VEPH1: variants seen among roughly 807,000 people sequenced by gnomAD.
VEPH1 encodes the protein ventricular zone expressed PH domain containing 1, also known as ventricular zone-expressed PH domain-containing protein homolog 1.
A neutral mutation model predicts 85.2 loss-of-function variants in VEPH1; 80 were observed. The observed-to-expected ratio is 0.94, with a 90% CI of 0.78 to 1.13. VEPH1 has a LOEUF of 1.13. VEPH1 is among the 50% of genes most tolerant of loss of function. The probability of loss-of-function intolerance (pLI) is 0.00; values close to 1 mark genes in which losing one functional copy is unlikely to be tolerated. For synonymous variants in VEPH1, 297 were observed against 348.0 expected (o/e 0.85, Z 1.63); for missense variants, 955 against 980.5 (o/e 0.97, Z 0.35).
At chr3:157,311,649 A>C (rs1490426911) in intron 11 of VEPH1, among the ~76,000 whole-genome samples, 1 of 152,234 alleles carries the variant, frequency 6.6e-6, no homozygotes. Flanking sequence ...AGCATGAAAC[A>C]CAAGAAATGT....
At chr3:157,355,056 C>T (rs948664173) in intron 9 of VEPH1, among the ~76,000 whole-genome samples, 3 of 152,154 alleles carry the variant, frequency 2.0e-5, no homozygotes, top group East Asian at 1.9e-4. Flanking sequence ...ACAGGACAGA[C>T]GGTTCTCTTC....
At chr3:157,358,347 C>G (rs749617395) in intron 9 of VEPH1, among the ~76,000 whole-genome samples, 4 of 152,106 alleles carry the variant, frequency 2.6e-5, no homozygotes, top group Non-Finnish European at 5.9e-5. Context: ...CCCAAGAGAC[C>G]ACCTTAATGA....
chr3:157,460,942 T>C (rs79069124), intron 3 of VEPH1, among the ~76,000 whole-genome samples: 4 of 152,260 alleles, frequency 2.6e-5, no homozygotes, highest in East Asian at 1.9e-4. Flanking sequence ...CATTGATCTT[T>C]AGGGTAATCG....
At chr3:157,404,195 C>A (rs956293018) in intron 6 of VEPH1, among the ~76,000 whole-genome samples, 1 of 152,040 alleles carries the variant, frequency 6.6e-6, no homozygotes, top group African/African-American at 2.4e-5. Flanking sequence ...AGTTAGTTGG[C>A]AAGTACCTGT....
chr3:157,313,097 G>A (rs1319953645), intron 11 of VEPH1, among the ~76,000 whole-genome samples: 3 of 151,472 alleles, frequency 2.0e-5, no homozygotes, highest in Non-Finnish European at 2.9e-5. Flanking sequence ...GTAGAGACGG[G>A]GTTTCACCGT....
chr3:157,480,354 A>G (rs986313368), intron 2 of VEPH1, among the ~76,000 whole-genome samples: 3 of 152,120 alleles, frequency 2.0e-5, no homozygotes, highest in Admixed American at 2.0e-4. Flanking sequence ...TTGTTACAAG[A>G]GTATATTTTA....
chr3:157,482,949 C>T (rs1577778566), intron 2 of VEPH1, among the ~76,000 whole-genome samples: 1 of 152,138 alleles, frequency 6.6e-6, no homozygotes, highest in African/African-American at 2.4e-5. Flanking sequence ...GATATTTGGA[C>T]TTCTTCACAA....
At chr3:157,425,193 A>T (rs1281678808) in intron 5 of VEPH1, among the ~76,000 whole-genome samples, 1 of 152,204 alleles carries the variant, frequency 6.6e-6, no homozygotes, top group Non-Finnish European at 1.5e-5. Flanking sequence ...TGTGGTGTTG[A>T]TCCTGTGGGT....
intron 4 of VEPH1, chr3:157,437,072 A>T (rs2305619): frequency 1.2e-6 from 2 of 1,613,074 alleles, no homozygotes; most frequent in South Asian, 1.1e-5. Context: ...CCGTAAGTTC[A>T]CTTTAACTGT....
At chr3:157,273,623 G>A (rs1715004961) in intron 12 of VEPH1, among the ~76,000 whole-genome samples, 1 of 152,186 alleles carries the variant, frequency 6.6e-6, no homozygotes, top group Non-Finnish European at 1.5e-5. Context: ...AACTCATTCT[G>A]GGAGGGAGCA....
intron 7 of VEPH1, 54 bp from the exon 8 acceptor site, chr3:157,364,566 C>T (rs780041588): frequency 3.3e-6 from 5 of 1,510,552 alleles, no homozygotes; most frequent in Non-Finnish European, 3.6e-6. Context: ...CTCTTCAGAA[C>T]AGTGTTATTC....
At chr3:157,387,910 T>C (rs1330952141) in intron 6 of VEPH1, among the ~76,000 whole-genome samples, 1 of 152,198 alleles carries the variant, frequency 6.6e-6, no homozygotes, top group Admixed American at 6.5e-5. Flanking sequence ...CCTAAATCTC[T>C]GAGAATTTGA....
intron 9 of VEPH1, among the ~76,000 whole-genome samples, chr3:157,356,735 C>T (rs1055836134): frequency 6.6e-6 from 1 of 152,182 alleles, no homozygotes. Flanking sequence ...CCAGGGACCA[C>T]TCTGTTTCCC....
intron 9 of VEPH1, among the ~76,000 whole-genome samples, chr3:157,350,467 T>G (rs1724741727): frequency 6.6e-6 from 1 of 152,168 alleles, no homozygotes; most frequent in South Asian, 2.1e-4. Flanking sequence ...GGGAAAGATG[T>G]TATGAATAAG....
intron 3 of VEPH1, among the ~76,000 whole-genome samples, chr3:157,460,988 A>G (rs1735814366): frequency 6.6e-6 from 1 of 152,210 alleles, no homozygotes; most frequent in Admixed American, 6.5e-5. Context: ...TGTCAGATTT[A>G]CACTTGAGAA....
At chr3:157,283,965 A>G (rs752357972) in intron 12 of VEPH1, among the ~76,000 whole-genome samples, 10 of 152,240 alleles carry the variant, frequency 6.6e-5, no homozygotes, top group Non-Finnish European at 1.5e-4. Context: ...AACCCAGACC[A>G]GTACATAGTA....
intron 6 of VEPH1, among the ~76,000 whole-genome samples, chr3:157,411,239 A>G (rs1731508139): frequency 6.6e-6 from 1 of 152,100 alleles, no homozygotes; most frequent in African/African-American, 2.4e-5. Context: ...CACTCTAGAG[A>G]GATTGCCTTC....
chr3:157,369,180 GAAAA>G (rs58451868), intron 7 of VEPH1, among the ~76,000 whole-genome samples: 69 of 42,788 alleles, frequency 1.6e-3, no homozygotes, highest in African/African-American at 5.1e-3. Context: ...AAAACCAAAT[GAAAA>G]AAAAAAAAAA....
intron 2 of VEPH1, among the ~76,000 whole-genome samples, chr3:157,473,826 T>A (rs1408195343): frequency 6.6e-6 from 1 of 152,150 alleles, no homozygotes; most frequent in Non-Finnish European, 1.5e-5. Flanking sequence ...AGTTTATTTT[T>A]AAATAAAGAA....
Sources: allele counts gnomAD v4.1 joint callset (sites outside exome capture counted in the v4.1 genomes callset), GRCh38; gene constraint gnomAD v4.1.1; transcripts MANE v1.5; gene names NCBI Gene and HGNC (gene_info 2026-07-23, HGNC 2026-07-21).